The following PAX8 variants were observed in gnomAD, a reference collection of about 807,000 sequenced individuals.
PAX8 encodes paired box protein Pax-8.
A neutral mutation model predicts 52.4 loss-of-function variants in PAX8; 15 were observed. The observed-to-expected ratio is 0.29, with a 90% CI of 0.19 to 0.44. The LOEUF is 0.44. Ranked by LOEUF, PAX8 falls within the 20% of genes least tolerant of loss-of-function variation. The probability of loss-of-function intolerance (pLI) is 1.00; values close to 1 mark genes in which losing one functional copy is unlikely to be tolerated. For missense variants in PAX8, 554 were observed against 602.5 expected (o/e 0.92, Z 0.84); for synonymous variants, 284 against 249.7 (o/e 1.14, Z -1.29).
At chr2:113,247,881 C>G (rs1472310104) in intron 2 of PAX8, among the ~76,000 whole-genome samples, 3 of 152,192 alleles carry the variant, frequency 2.0e-5, no homozygotes, top group Non-Finnish European at 4.4e-5. Flanking sequence ...AGCCAGTTAA[C>G]ATATTTTGTG....
intron 4 of PAX8, 152 bp downstream of exon 4, chr2:113,244,275 C>A: frequency 2.8e-6 from 2 of 723,800 alleles, no homozygotes; most frequent in Admixed American, 2.0e-5. Context: ...ATGATATCTG[C>A]CTGGAGCCAG....
chr2:113,226,632 G>A (rs1689590743), intron 10 of PAX8: 2 of 1,087,564 alleles, frequency 1.8e-6, no homozygotes, highest in South Asian at 5.7e-5. Context: ...TTGAGAGAGA[G>A]ATGTGAAGCA....
chr2:113,236,723 TG>T lies in PAX8; in HGVS notation c.778-3del, dbSNP rs1456224297. 1 of 1,559,938 alleles carries T rather than the reference TG, an allele frequency of 6.4e-7. No homozygotes were observed. On this transcript the variant is annotated splice_polypyrimidine_tract_variant and splice_region_variant and intron_variant, in intron 7 of 11. Transcript: ENST00000429538. The stretch of plus-strand genomic sequence containing the variant: ...GAGCAAGGGCAGCGGGTAGAGGCCC[TG>T]GGGAGCAAAGAGAAGTCAGCGCACA...
At chr2:113,242,261 G>A in intron 5 of PAX8, 131 bp from the exon 6 acceptor site, 1 of 697,604 alleles carries the variant, frequency 1.4e-6, no homozygotes, top group Admixed American at 2.3e-5. Flanking sequence ...CAAGGGGTGG[G>A]ACACCCCTTA....
intron 2 of PAX8, among the ~76,000 whole-genome samples, chr2:113,247,502 A>G (rs1270292569): frequency 1.3e-5 from 2 of 150,272 alleles, no homozygotes; most frequent in Admixed American, 6.7e-5. Flanking sequence ...TCTGGCCTGA[A>G]TGACCCCCAA....
intron 9 of PAX8, among the ~76,000 whole-genome samples, chr2:113,227,841 G>A (rs180950114): frequency 1.1e-4 from 16 of 152,268 alleles, no homozygotes; most frequent in Admixed American, 9.8e-4. Context: ...CTTCCAAGTG[G>A]ATGCAATCTA....
At chr2:113,242,253 A>C in intron 5 of PAX8, 123 bp from the exon 6 acceptor site, 7 of 525,972 alleles carry the variant, frequency 1.3e-5, no homozygotes, top group Non-Finnish European at 2.0e-5. Context: ...GAGAGGAGCA[A>C]GGGGTGGGAC....
intron 9 of PAX8, among the ~76,000 whole-genome samples, chr2:113,227,668 CA>C (rs1487579582): frequency 6.6e-6 from 1 of 152,178 alleles, no homozygotes; most frequent in East Asian, 1.9e-4. Context: ...CCACTTAACT[CA>C]GAGCTCATCC....
Position 113,236,610 on chromosome 2 carries a change from C to G in PAX8, c.889G>C (p.Val297Leu). 1 of 1,581,540 alleles carries G rather than the reference C, an allele frequency of 6.3e-7. No homozygotes were observed. The highest frequency in any genetic ancestry group is 8.6e-7 in the Non-Finnish European group (1 of 1,164,604). ...GCTCCGGGCGTTGTACCTGCCACCA[C>G]GGGGTAGGTCTGGTGAGTCGAGAGG... is the stretch of plus-strand genomic sequence containing the variant. ...RNLSTHQTYP[V>L]VADPHSPFAI... Residue 297 changes from valine (V) to leucine (L), a missense_variant, in exon 8 of 12, where the codon GTG becomes CTG. Transcript: ENST00000429538.
At chr2:113,271,330 G>C (rs962465959) in intron 2 of PAX8, 1 of 152,202 alleles carries the variant, frequency 6.6e-6, no homozygotes, top group African/African-American at 2.4e-5. Flanking sequence ...AGTTCCCCAG[G>C]GTCCTTCAAC....
chr2:113,241,945 C>T (rs1422295931), intron 6 of PAX8, 63 bp downstream of exon 6: 6 of 1,589,234 alleles, frequency 3.8e-6, no homozygotes, highest in Non-Finnish European at 5.2e-6. Context: ...GTTTCTGTCC[C>T]CATCAAAGCC....
chr2:113,263,693 G>T lies in PAX8; in HGVS notation c.25+14677C>A, dbSNP rs566504684. Among the ~76,000 whole-genome samples, 11 of 152,246 alleles carry T rather than the reference G, an allele frequency of 7.2e-5. 1 individual carries two copies. The South Asian group carries it at 2.3e-3, about 32-fold the overall frequency. ...TAGCCAGATGGGAGATCTCTGGGAG[G>T]AGGAGGCACAGTGCAAAAAGAAGGG... On this transcript the variant is annotated intron_variant, in intron 2 of 11. Transcript: ENST00000429538.
At chr2:113,226,026 C>G in intron 10 of PAX8, 1 of 985,732 alleles carries the variant, frequency 1.0e-6, no homozygotes, top group Non-Finnish European at 1.2e-6. Context: ...TTAAGCACAT[C>G]GCCACGGTAA....
At chr2:113,236,550 G>A (rs1418759549) in intron 8 of PAX8, 51 bp downstream of exon 8, 3 of 1,535,314 alleles carry the variant, frequency 2.0e-6, no homozygotes, top group Non-Finnish European at 2.6e-6. Context: ...AGCCAGCCAA[G>A]CTCTTCAGTC....
Position 113,235,585 on chromosome 2 carries a change from G to A in PAX8, c.899-3C>T. ...TATGGCGAAGGGTGAGTGAGGATCTGCCGGAGGGAGGGAGACAACAAGGAG... is the reference window on the plus strand; with the variant it reads ...TATGGCGAAGGGTGAGTGAGGATCTACCGGAGGGAGGGAGACAACAAGGAG... On this transcript the variant is annotated splice_polypyrimidine_tract_variant and splice_region_variant and intron_variant, in intron 8 of 11. Coordinates refer to ENST00000429538, the MANE Select transcript of PAX8 (RefSeq NM_003466.4). The A allele has an allele frequency of 6.2e-7, 1 of 1,605,762 alleles. No homozygotes were observed. Among genetic ancestry groups the A allele is most frequent in the Non-Finnish European group, 8.5e-7 (1 of 1,174,350 alleles).
Position 113,254,847 on chromosome 2 carries a change from G to A in PAX8, c.26-7928C>T, listed in dbSNP as rs79735883. Among the ~76,000 whole-genome samples the A allele has an allele frequency of 9.9e-3, 1,509 of 152,242 alleles. 26 individuals carry two copies. The highest frequency in any genetic ancestry group is 0.034 in the African/African-American group (1,413 of 41,526). ...GGAGTGCCCGTCCTCACCTTCTCCA[G>A]ATTGATTTCCATTCATGCCTTAGGA... On this transcript the variant is annotated intron_variant, in intron 2 of 11. Transcript: ENST00000429538.
chr2:113,272,301 AG>A (rs1693514366), intron 2 of PAX8: 1 of 152,216 alleles, frequency 6.6e-6, no homozygotes, highest in African/African-American at 2.4e-5. Context: ...GGTTTAAGAC[AG>A]AAGCCTTCCT....
intron 9 of PAX8, among the ~76,000 whole-genome samples, chr2:113,230,811 C>G (rs575837392): frequency 2.0e-5 from 3 of 152,258 alleles, no homozygotes; most frequent in Non-Finnish European, 4.4e-5. Flanking sequence ...ACCATGCCCT[C>G]TTACCTACTT....
intron 6 of PAX8, 98 bp from the exon 7 acceptor site, chr2:113,241,824 G>T: frequency 6.6e-7 from 1 of 1,505,624 alleles, no homozygotes; most frequent in Non-Finnish European, 9.2e-7. Flanking sequence ...TCACTGTGGA[G>T]GGAGAAAAAG....
Sources: allele counts gnomAD v4.1 joint callset (sites outside exome capture counted in the v4.1 genomes callset), GRCh38; gene constraint gnomAD v4.1.1; transcripts MANE v1.5; gene names NCBI Gene and HGNC (gene_info 2026-07-23, HGNC 2026-07-21).